Variants in RNGTT observed in about 807,000 individuals in gnomAD.
The protein encoded by RNGTT is mRNA-capping enzyme.
RNGTT carries 33 observed loss-of-function variants against 79.3 expected under a neutral mutation model. The ratio of observed to expected loss-of-function variants is 0.42; its 90% confidence interval spans 0.32 to 0.56. RNGTT has a LOEUF of 0.56. Among genes scored for constraint, RNGTT ranks in the 20% least tolerant of loss-of-function variants. The pLI is 0.17. For missense variants in RNGTT, 497 were observed against 739.1 expected, an observed-to-expected ratio of 0.67 and a Z score of 3.80; for synonymous variants, 222 against 235.9, an observed-to-expected ratio of 0.94 and a Z score of 0.54.
chr6:88,672,218 T>TAC (rs1271232893), intron 14 of RNGTT, among the ~76,000 whole-genome samples: 10 of 76,226 alleles, frequency 1.3e-4, no homozygotes, highest in South Asian at 1.3e-3. Context: ...TATATATATA[T>TAC]ACACACACAC....
At chr6:88,893,912 T>C (rs1783137646) in intron 6 of RNGTT, among the ~76,000 whole-genome samples, 1 of 152,176 alleles carries the variant, frequency 6.6e-6, no homozygotes, top group Non-Finnish European at 1.5e-5. Flanking sequence ...TCTGACAAAA[T>C]ACCATTTTTA....
At chr6:88,857,973 C>T (rs1781892628) in intron 8 of RNGTT, among the ~76,000 whole-genome samples, 3 of 151,964 alleles carry the variant, frequency 2.0e-5, no homozygotes, top group Admixed American at 2.0e-4. Flanking sequence ...ATAATCAGAC[C>T]CAGAGAAACA....
At chr6:88,711,232 T>C (rs555590006) in intron 13 of RNGTT, among the ~76,000 whole-genome samples, 8 of 152,286 alleles carry the variant, frequency 5.3e-5, no homozygotes, top group Non-Finnish European at 8.8e-5. Context: ...TTATTATTCA[T>C]TTATAACTTT....
chr6:88,876,961 T>G (rs1782538270), intron 8 of RNGTT, among the ~76,000 whole-genome samples: 1 of 152,250 alleles, frequency 6.6e-6, no homozygotes, highest in Non-Finnish European at 1.5e-5. Context: ...GTATCTCTAT[T>G]AACTAGTAGT....
intron 12 of RNGTT, among the ~76,000 whole-genome samples, chr6:88,775,776 T>TA (rs1244222127): frequency 6.6e-6 from 1 of 152,216 alleles, no homozygotes; most frequent in Non-Finnish European, 1.5e-5. Flanking sequence ...ATTCCACATG[T>TA]AAGTGAAATC....
At chr6:88,847,089 T>C (rs1227793357) in intron 10 of RNGTT, among the ~76,000 whole-genome samples, 1 of 152,214 alleles carries the variant, frequency 6.6e-6, no homozygotes, top group Non-Finnish European at 1.5e-5. Flanking sequence ...AAAATGTGTA[T>C]ACATACACAA....
chr6:88,724,370 T>C (rs542440628), intron 13 of RNGTT, among the ~76,000 whole-genome samples: 2 of 152,346 alleles, frequency 1.3e-5, no homozygotes, highest in African/African-American at 4.8e-5. Context: ...TGTTATAATA[T>C]GTAAATACAA....
chr6:88,780,943 G>A (rs542695994), intron 12 of RNGTT, among the ~76,000 whole-genome samples: 25 of 152,254 alleles, frequency 1.6e-4, no homozygotes, highest in African/African-American at 5.5e-4. Flanking sequence ...TTGGCAATGC[G>A]TGGAGACATT....
At chr6:88,910,596 C>G (rs1783799802) in intron 4 of RNGTT, among the ~76,000 whole-genome samples, 1 of 152,134 alleles carries the variant, frequency 6.6e-6, no homozygotes, top group Admixed American at 6.5e-5. Context: ...AAAAATGTCT[C>G]CAAAGTTGCT....
At chr6:88,820,821 T>C (rs1780473406) in intron 11 of RNGTT, among the ~76,000 whole-genome samples, 1 of 152,136 alleles carries the variant, frequency 6.6e-6, no homozygotes, top group Non-Finnish European at 1.5e-5. Flanking sequence ...ACTAAATAAA[T>C]GGAGAGACAG....
intron 2 of RNGTT, among the ~76,000 whole-genome samples, chr6:88,938,448 G>A (rs1784738476): frequency 6.6e-6 from 1 of 152,108 alleles, no homozygotes; most frequent in African/African-American, 2.4e-5. Flanking sequence ...TTTCTTGTAG[G>A]CAGCATATGG....
intron 4 of RNGTT, among the ~76,000 whole-genome samples, chr6:88,924,464 AC>A (rs1784257542): frequency 1.3e-5 from 2 of 152,218 alleles, no homozygotes; most frequent in South Asian, 4.1e-4. Context: ...TTTTTATGTC[AC>A]ATATGCTTCA....
chr6:88,715,309 TAA>T (rs1776470398), intron 13 of RNGTT, among the ~76,000 whole-genome samples: 1 of 152,060 alleles, frequency 6.6e-6, no homozygotes, highest in East Asian at 1.9e-4. Flanking sequence ...CTCAATGAAA[TAA>T]AAGAGGATAC....
intron 8 of RNGTT, among the ~76,000 whole-genome samples, chr6:88,864,065 T>C (rs1289901744): frequency 1.3e-5 from 2 of 152,166 alleles, no homozygotes; most frequent in African/African-American, 4.8e-5. Context: ...TCTAAGCCCA[T>C]GTAGCTATAC....
chr6:88,759,947 A>G (rs1297033441), intron 13 of RNGTT, among the ~76,000 whole-genome samples: 1 of 152,192 alleles, frequency 6.6e-6, no homozygotes, highest in Non-Finnish European at 1.5e-5. Flanking sequence ...AGCTTTTTAT[A>G]ACATAAAAGG....
At chr6:88,786,277 G>A (rs373096575) in intron 12 of RNGTT, among the ~76,000 whole-genome samples, 1 of 151,874 alleles carries the variant, frequency 6.6e-6, no homozygotes. Context: ...ATTTCCACAT[G>A]TAAAACTGTA....
At chr6:88,873,778 A>C (rs1024320800) in intron 8 of RNGTT, among the ~76,000 whole-genome samples, 3 of 152,168 alleles carry the variant, frequency 2.0e-5, no homozygotes, top group African/African-American at 7.2e-5. Context: ...TAAGACCAGA[A>C]TCACAAGGCA....
chr6:88,712,350 G>C (rs753401014), intron 13 of RNGTT, among the ~76,000 whole-genome samples: 5 of 152,200 alleles, frequency 3.3e-5, no homozygotes, highest in Non-Finnish European at 5.9e-5. Flanking sequence ...CTGTCATCCA[G>C]ACTGGAATGC....
chr6:88,632,548 C>CACAG (rs1359316624), intron 14 of RNGTT, among the ~76,000 whole-genome samples: 74 of 135,914 alleles, frequency 5.4e-4, no homozygotes, highest in East Asian at 1.8e-3. Flanking sequence ...CACACAGACA[C>CACAG]ACACACACAC....
Sources: allele counts gnomAD v4.1 joint callset (sites outside exome capture counted in the v4.1 genomes callset), GRCh38; gene constraint gnomAD v4.1.1; transcripts MANE v1.5; gene names NCBI Gene and HGNC (gene_info 2026-07-23, HGNC 2026-07-21).